Variants in MYO1F observed in about 807,000 individuals in gnomAD.
MYO1F encodes myosin IF.
MYO1F carries 60 observed loss-of-function variants against 146.6 expected under a neutral mutation model. The observed-to-expected ratio is 0.41, with a 90% confidence interval of 0.33 to 0.51. The LOEUF (loss-of-function observed/expected upper bound fraction) is 0.51. Among genes scored for constraint, MYO1F ranks in the 20% least tolerant of loss-of-function variants. The probability of loss-of-function intolerance (pLI) is 0.25; values close to 1 mark genes in which losing one functional copy is unlikely to be tolerated. For synonymous variants in MYO1F, 602 were observed against 602.1 expected (o/e 1.00, Z 0.00); for missense variants, 1,274 against 1,534.3 (o/e 0.83, Z 2.83).
chr19:8,552,987 G>C, intron 6 of MYO1F, 152 bp downstream of exon 6: 3 of 764,422 alleles, frequency 3.9e-6, no homozygotes, highest in South Asian at 2.8e-5. Context: ...CCATGAGCAG[G>C]AAGTGAGTCT....
At chr19:8,527,568 C>G (rs965702914) in intron 21 of MYO1F, 85 bp from the exon 22 acceptor site, 2 of 1,559,188 alleles carry the variant, frequency 1.3e-6, no homozygotes, top group Non-Finnish European at 1.7e-6. Flanking sequence ...AGGGGTGGTG[C>G]TGGCAGGTCA....
At chr19:8,538,960 T>C (rs1037318697) in intron 16 of MYO1F, among the ~76,000 whole-genome samples, 1 of 151,780 alleles carries the variant, frequency 6.6e-6, no homozygotes, top group South Asian at 2.1e-4. Flanking sequence ...ATGAATGCAC[T>C]TAATACCACT....
At chr19:8,543,846 G>A (rs557897916) in intron 14 of MYO1F, among the ~76,000 whole-genome samples, 2 of 39,122 alleles carry the variant, frequency 5.1e-5, no homozygotes, top group African/African-American at 2.9e-4. Context: ...GGTGGTGGTG[G>A]TGGTGGTGGT....
At chr19:8,545,604 C>A (rs745936980) in intron 13 of MYO1F, 46 bp downstream of exon 13, 2 of 1,486,678 alleles carry the variant, frequency 1.3e-6, no homozygotes, top group South Asian at 2.3e-5. Flanking sequence ...AGACTCAGCT[C>A]AGGGGACCAG....
chr19:8,554,699 C>T lies in MYO1F; in HGVS notation c.186G>A (p.Gln62=). The change falls in exon 3 of 28, where the codon CAG becomes CAA. Residue 62 remains glutamine (Q), a synonymous_variant. Coordinates refer to ENST00000644032, the MANE Select transcript of MYO1F (RefSeq NM_012335.4). The part of the protein sequence containing the change: ...SVLISVNPFK[Q]MPYFTDREID... ...TCTCACGGTCGGTGAAGTAGGGCAT[C>T]TGCTTGAAGGGGTTTACAGAGATGA... The T allele has an allele frequency of 6.2e-7, 1 of 1,613,952 alleles. No homozygotes were observed. The highest frequency in any genetic ancestry group is 1.1e-5 in the South Asian group (1 of 91,084).
intron 12 of MYO1F, 110 bp downstream of exon 12, chr19:8,547,926 G>T (rs1973435715): frequency 2.9e-6 from 3 of 1,035,436 alleles, no homozygotes; most frequent in Non-Finnish European, 1.5e-6. Context: ...AGAGAGGTGG[G>T]AACGCGGTGG....
intron 1 of MYO1F, among the ~76,000 whole-genome samples, chr19:8,560,313 T>C (rs1286192654): frequency 2.0e-5 from 3 of 151,440 alleles, no homozygotes; most frequent in African/African-American, 2.4e-5. Flanking sequence ...TGAAACCCCA[T>C]CTCTACTAAA....
intron 1 of MYO1F, among the ~76,000 whole-genome samples, chr19:8,562,872 T>C (rs1228613469): frequency 1.3e-5 from 2 of 152,186 alleles, no homozygotes; most frequent in Non-Finnish European, 2.9e-5. Flanking sequence ...TTGAAAGTCA[T>C]GCCGGTGGTG....
intron 1 of MYO1F, among the ~76,000 whole-genome samples, chr19:8,566,161 CTTTTTTTT>C (rs781059040): frequency 1.3e-5 from 1 of 78,338 alleles, no homozygotes; most frequent in Non-Finnish European, 2.2e-5. Context: ...CAGTCTATGT[CTTTTTTTT>C]TTTTTTTTTT....
chr19:8,522,811 A>C lies in MYO1F; in HGVS notation c.2873T>G (p.Val958Gly). Residue 958 changes from valine (V) to glycine (G), a missense_variant, in exon 26 of 28, where the codon GTG becomes GGG. By Grantham distance (109) the Val-to-Gly change is moderately radical. Coordinates refer to ENST00000644032, the MANE Select transcript of MYO1F (RefSeq NM_012335.4). ...GGGGCCCCCTCTGGCAGAGGGGGGC[A>C]CCCCATTGCGATCCATGCCTGTGGC... is the stretch of plus-strand genomic sequence containing the variant. Reference protein sequence around the residue: ...APPRGMDRNGVPPSARGGPLP... With the variant: ...APPRGMDRNGGPPSARGGPLP... 6.3e-7 allele frequency: 1 copy of C among 1,578,622 alleles called. No individual in the cohort carries two copies. The highest frequency in any genetic ancestry group is 1.8e-5 in the Admixed American group (1 of 55,144).
intron 10 of MYO1F, 109 bp from the exon 11 acceptor site, chr19:8,548,426 C>CA: frequency 1.0e-6 from 1 of 985,008 alleles, no homozygotes; most frequent in Non-Finnish European, 1.6e-6. Context: ...GATGTCCCCT[C>CA]ATGCCAGTTT....
intron 14 of MYO1F, chr19:8,543,974 GGTGC>G (rs1973197736): frequency 2.4e-5 from 9 of 377,110 alleles, no homozygotes; most frequent in African/African-American, 1.9e-4. Flanking sequence ...TGGTGGTGCT[GGTGC>G]TGGTGCTGGT....
chr19:8,544,277 G>A lies in MYO1F; in HGVS notation c.1524+20C>T. 2 of 1,612,560 alleles carry A rather than the reference G, an allele frequency of 1.2e-6. No individual in the cohort carries two copies. Among genetic ancestry groups the A allele is most frequent in the Non-Finnish European group, 1.7e-6 (2 of 1,179,710 alleles). ...GGGTCTGCGAGGAGGCACAGGGTAG[G>A]GTAGGGGCAGGGGGCGCACCTTGCC... On this transcript the variant is annotated intron_variant, in intron 14 of 27. Transcript: ENST00000644032.
At chr19:8,573,008 C>T (rs1424748126) in intron 1 of MYO1F, among the ~76,000 whole-genome samples, 1 of 152,186 alleles carries the variant, frequency 6.6e-6, no homozygotes, top group Non-Finnish European at 1.5e-5. Flanking sequence ...GTGACTGTAC[C>T]TTAGAAACAA....
chr19:8,553,515 C>T lies in MYO1F; in HGVS notation c.327-78G>A, dbSNP rs1461192871. On this transcript the variant is annotated intron_variant, in intron 4 of 27. Transcript: ENST00000644032. The stretch of plus-strand genomic sequence containing the variant: ...AGTGCCTGACCATTCATTCATTGAG[C>T]ACCTACTGTGTGCCTGCCAGTATTC... The T allele has an allele frequency of 4.2e-5, 49 of 1,175,386 alleles. No homozygotes were observed. In the South Asian group the frequency reaches 4.4e-4, roughly 11 times the overall value. 72.8% of individuals were successfully genotyped at this position (1,175,386 alleles called of 1,614,324 possible).
At position 8,522,783 on chromosome 19, in the gene MYO1F, C is replaced by G; in HGVS notation, c.2901G>C (p.Leu967=). 1 of 1,602,588 alleles carries G rather than the reference C, an allele frequency of 6.2e-7. No individual in the cohort carries two copies. The highest frequency in any genetic ancestry group is 8.5e-7 in the Non-Finnish European group (1 of 1,176,256). ...GVPPSARGGP[L]PLEIMSGGGT... is the part of the protein sequence containing the mutation. Reference sequence around the variant, plus strand: ...CCCCTCCAGACATGATCTCCAGGGGCAGGGGGCCCCCTCTGGCAGAGGGGG... The same window carrying G: ...CCCCTCCAGACATGATCTCCAGGGGGAGGGGGCCCCCTCTGGCAGAGGGGG... The change falls in exon 26 of 28, where the codon CTG becomes CTC. Residue 967 remains leucine, a synonymous_variant. Coordinates refer to ENST00000644032, the MANE Select transcript of MYO1F (RefSeq NM_012335.4).
intron 19 of MYO1F, among the ~76,000 whole-genome samples, chr19:8,534,879 C>T (rs995125464): frequency 6.6e-6 from 1 of 151,808 alleles, no homozygotes; most frequent in Non-Finnish European, 1.5e-5. Context: ...CTCGCCTCGG[C>T]TTCCCAAAGT....
chr19:8,553,890 A>T (rs1180545560), intron 4 of MYO1F, among the ~76,000 whole-genome samples: 789 of 57,832 alleles, frequency 0.014, 9 homozygotes, highest in African/African-American at 0.037. Context: ...ACACACACAC[A>T]CACACTCTCT....
chr19:8,553,894 A>ACACACACACACACACACACACT, intron 4 of MYO1F, among the ~76,000 whole-genome samples: 201 of 102,650 alleles, frequency 2.0e-3, no homozygotes, highest in African/African-American at 6.9e-3. Flanking sequence ...ACACACACAC[A>ACACACACACACACACACACACT]CTCTCTCTCT....
Sources: allele counts gnomAD v4.1 joint callset (sites outside exome capture counted in the v4.1 genomes callset), GRCh38; gene constraint gnomAD v4.1.1; transcripts MANE v1.5; gene names NCBI Gene and HGNC (gene_info 2026-07-23, HGNC 2026-07-21).